AGBL1: variants seen among roughly 807,000 people sequenced by gnomAD.
AGBL1 encodes the protein AGBL carboxypeptidase 1, also known as cytosolic carboxypeptidase 4.
In AGBL1, 130 loss-of-function variants were observed where a neutral mutation model predicts 118.9. That is an observed-to-expected ratio of 1.09 (90% CI 0.95 to 1.26). The LOEUF (loss-of-function observed/expected upper bound fraction) is 1.26. AGBL1 is among the 50% of genes most tolerant of loss of function. AGBL1 has a pLI of 0.00. For synonymous variants in AGBL1, 555 were observed against 478.9 expected (o/e 1.16, Z -2.08); for missense variants, 1,584 against 1,298.1 (o/e 1.22, Z -3.38).
At chr15:86,341,717 A>G (rs1408072104) in intron 17 of AGBL1, among the ~76,000 whole-genome samples, 13 of 152,214 alleles carry the variant, frequency 8.5e-5, no homozygotes, top group Non-Finnish European at 1.9e-4. Context: ...ACTATGAGCT[A>G]GAGACCAATC....
chr15:86,493,886 T>G (rs898584506), intron 18 of AGBL1, among the ~76,000 whole-genome samples: 2 of 152,030 alleles, frequency 1.3e-5, no homozygotes, highest in African/African-American at 2.4e-5. Flanking sequence ...CCCCGACTAT[T>G]TAGACTGTTT....
chr15:86,136,275 C>A (rs1361707359), intron 1 of AGBL1, among the ~76,000 whole-genome samples: 2 of 152,186 alleles, frequency 1.3e-5, no homozygotes, highest in East Asian at 3.8e-4. Flanking sequence ...ACAGTGAGAA[C>A]AGAGATATAA....
chr15:86,153,376 C>T (rs928541918), intron 3 of AGBL1, among the ~76,000 whole-genome samples: 1 of 152,076 alleles, frequency 6.6e-6, no homozygotes, highest in Non-Finnish European at 1.5e-5. Context: ...ATGGATGAAG[C>T]TGGAAACCAT....
At chr15:86,246,731 T>G (rs182333693) in intron 6 of AGBL1, among the ~76,000 whole-genome samples, 4 of 152,250 alleles carry the variant, frequency 2.6e-5, no homozygotes, top group Admixed American at 2.6e-4. Flanking sequence ...GTTACAACTA[T>G]ATGAAACAAA....
At chr15:86,856,685 G>A (rs1220937421) in intron 22 of AGBL1, among the ~76,000 whole-genome samples, 1 of 152,218 alleles carries the variant, frequency 6.6e-6, no homozygotes, top group Non-Finnish European at 1.5e-5. Flanking sequence ...CCATTCCACA[G>A]ATGAGAAAAC....
intron 18 of AGBL1, among the ~76,000 whole-genome samples, chr15:86,479,017 A>T (rs1309900664): frequency 1.3e-5 from 2 of 152,198 alleles, no homozygotes; most frequent in Non-Finnish European, 2.9e-5. Context: ...TGCTGGGAAA[A>T]CTGGCTAGCC....
chr15:86,469,087 T>C (rs1454594431), intron 18 of AGBL1, among the ~76,000 whole-genome samples: 6 of 152,200 alleles, frequency 3.9e-5, no homozygotes, highest in South Asian at 2.1e-4. Context: ...TTTTTTGTGA[T>C]GAGAATATTC....
chr15:86,416,572 T>TAA (rs150130987), intron 18 of AGBL1, among the ~76,000 whole-genome samples: 1 of 148,994 alleles, frequency 6.7e-6, no homozygotes, highest in Admixed American at 6.7e-5. Context: ...CACTTTTTTA[T>TAA]AAAAAAAAAA....
rs116698481 is a variant in AGBL1, at chr15:86,652,557, T to C, written c.2995-21716T>C. 1.5e-3 allele frequency among the ~76,000 whole-genome samples: 222 copies of C among 152,198 alleles called. 2 individuals are homozygous for C. In the Middle Eastern group the frequency reaches 0.017, roughly 12 times the overall value. On this transcript the variant is annotated intron_variant, in intron 21 of 22. Transcript: ENST00000614907. Reference sequence around the variant, plus strand: ...TAGTTATGTAGATACCTACCTCGGATTGTAGATTTAAACATTTGTTTGGGT... The same window carrying C: ...TAGTTATGTAGATACCTACCTCGGACTGTAGATTTAAACATTTGTTTGGGT...
chr15:86,932,331 C>G (rs976415854), intron 23 of AGBL1, among the ~76,000 whole-genome samples: 13 of 152,174 alleles, frequency 8.5e-5, no homozygotes, highest in African/African-American at 3.1e-4. Flanking sequence ...TCTGTCAACA[C>G]ATTTAAAAGT....
intron 21 of AGBL1, among the ~76,000 whole-genome samples, chr15:86,629,897 G>A (rs566903101): frequency 1.3e-5 from 2 of 152,168 alleles, no homozygotes; most frequent in Non-Finnish European, 2.9e-5. Context: ...GGGGCTTCTG[G>A]TCATTACCCT....
chr15:86,833,726 A>G (rs1191272281), intron 22 of AGBL1, among the ~76,000 whole-genome samples: 1 of 152,202 alleles, frequency 6.6e-6, no homozygotes, highest in Non-Finnish European at 1.5e-5. Flanking sequence ...CATCACGAAC[A>G]GCTGGGACAC....
chr15:87,019,249 C>T (rs2081638261), intron 24 of AGBL1, among the ~76,000 whole-genome samples: 1 of 152,146 alleles, frequency 6.6e-6, no homozygotes, highest in African/African-American at 2.4e-5. Context: ...AGAACCTGAA[C>T]TCGGCTCTGG....
intron 5 of AGBL1, among the ~76,000 whole-genome samples, chr15:86,163,923 C>G (rs2077301761): frequency 1.3e-5 from 2 of 152,220 alleles, no homozygotes; most frequent in Non-Finnish European, 2.9e-5. Context: ...TCTGCCCCAT[C>G]CAAACATGTC....
chr15:86,261,595 T>C (rs963584476), intron 9 of AGBL1, among the ~76,000 whole-genome samples: 2 of 151,516 alleles, frequency 1.3e-5, no homozygotes, highest in Admixed American at 6.6e-5. Flanking sequence ...TAATGAAATA[T>C]ACTTGTAAAA....
intron 5 of AGBL1, among the ~76,000 whole-genome samples, chr15:86,162,442 A>G (rs1162616854): frequency 1.3e-5 from 2 of 152,284 alleles, no homozygotes; most frequent in East Asian, 3.9e-4. Flanking sequence ...TCAGGGCAAG[A>G]TTTACAACAG....
intron 22 of AGBL1, among the ~76,000 whole-genome samples, chr15:86,780,784 C>G (rs1362442354): frequency 1.3e-5 from 2 of 151,674 alleles, no homozygotes; most frequent in Non-Finnish European, 2.9e-5. Context: ...CTGCCTCAGT[C>G]TCAATCCCGA....
intron 22 of AGBL1, among the ~76,000 whole-genome samples, chr15:86,876,681 C>T (rs1287237630): frequency 2.0e-5 from 3 of 152,176 alleles, no homozygotes; most frequent in African/African-American, 4.8e-5. Flanking sequence ...CAACTCTGCC[C>T]TTGTAGCACA....
chr15:86,734,546 A>T (rs2077566962), intron 22 of AGBL1, among the ~76,000 whole-genome samples: 1 of 152,092 alleles, frequency 6.6e-6, no homozygotes, highest in African/African-American at 2.4e-5. Flanking sequence ...TGCTGAAGGA[A>T]AGCTAGGTAG....
Sources: gnomAD v4.1 joint callset for allele counts (sites outside exome capture counted in the v4.1 genomes callset) on GRCh38, gnomAD v4.1.1 for gene constraint, MANE v1.5 for transcripts, NCBI Gene and HGNC (gene_info 2026-07-23, HGNC 2026-07-21) for gene names.